The following FOXP1 variants were observed in gnomAD, a reference collection of about 807,000 sequenced individuals.
FOXP1 encodes the protein forkhead box P1, also known as forkhead box protein P1.
Under a neutral mutation model 98.2 loss-of-function variants are expected in FOXP1, and 15 were observed. The observed-to-expected ratio is 0.15, with a 90% confidence interval of 0.10 to 0.24. The LOEUF is 0.24. Ranked by LOEUF, FOXP1 falls within the 10% of genes least tolerant of loss-of-function variation. The probability of loss-of-function intolerance (pLI) is 1.00; values close to 1 mark genes in which losing one functional copy is unlikely to be tolerated. For synonymous variants in FOXP1, 371 were observed against 314.5 expected, an observed-to-expected ratio of 1.18 and a Z score of -1.90; for missense variants, 633 against 848.5, an observed-to-expected ratio of 0.75 and a Z score of 3.15.
chr3:71,315,960 C>A (rs2075050899), intron 4 of FOXP1, among the ~76,000 whole-genome samples: 1 of 152,178 alleles, frequency 6.6e-6, no homozygotes, highest in Non-Finnish European at 1.5e-5. Flanking sequence ...TTCTTTTAAC[C>A]AACTCTGGTT....
chr3:71,464,668 C>T (rs2088509001), intron 3 of FOXP1, among the ~76,000 whole-genome samples: 1 of 152,220 alleles, frequency 6.6e-6, no homozygotes, highest in Non-Finnish European at 1.5e-5. Flanking sequence ...CTCTGCTCTA[C>T]CCTTTTCACC....
At chr3:71,424,314 T>C (rs2083922830) in intron 3 of FOXP1, among the ~76,000 whole-genome samples, 1 of 152,306 alleles carries the variant, frequency 6.6e-6, no homozygotes, top group Admixed American at 6.5e-5. Flanking sequence ...ATAATTAGGA[T>C]AATGTCCATC....
intron 13 of FOXP1, among the ~76,000 whole-genome samples, chr3:70,990,345 A>G (rs1317575355): frequency 1.3e-5 from 2 of 152,322 alleles, no homozygotes; most frequent in Non-Finnish European, 2.9e-5. Flanking sequence ...CTAAACATTC[A>G]CACCTATTGA....
At chr3:71,113,568 C>T (rs866825986) in intron 6 of FOXP1, among the ~76,000 whole-genome samples, 9 of 151,944 alleles carry the variant, frequency 5.9e-5, no homozygotes, top group Admixed American at 2.6e-4. Context: ...CAAAAATTAG[C>T]TGGGTGTGGT....
chr3:71,114,820 A>C (rs374534829), intron 6 of FOXP1, among the ~76,000 whole-genome samples: 3 of 152,320 alleles, frequency 2.0e-5, no homozygotes, highest in African/African-American at 7.2e-5. Context: ...CTGCTGTCTC[A>C]GGGAGGATTC....
At chr3:71,408,554 C>A (rs2082506919) in intron 3 of FOXP1, among the ~76,000 whole-genome samples, 1 of 152,152 alleles carries the variant, frequency 6.6e-6, no homozygotes, top group Admixed American at 6.5e-5. Flanking sequence ...CAACAATTTG[C>A]AATGGTACAG....
At chr3:71,242,087 A>T (rs879259165) in intron 5 of FOXP1, among the ~76,000 whole-genome samples, 3 of 152,240 alleles carry the variant, frequency 2.0e-5, no homozygotes, top group Non-Finnish European at 2.9e-5. Flanking sequence ...CCTGCTCTTG[A>T]AAGTGACAAA....
At position 71,581,571 on chromosome 3, in the gene FOXP1, A is replaced by G. The variant is rs943843194; in HGVS notation, c.-320T>C. On this transcript the variant is annotated 5_prime_UTR_variant, in exon 2 of 21. Transcript: ENST00000649528. ...TACCCGCGGAGTCCGGGGAGGGAGT[A>G]GGAGCGCCGCCTTCACGCCCGCGGA... The G allele has an allele frequency of 1.0e-6, 1 of 985,438 alleles. No individual in the cohort carries two copies. The highest frequency in any genetic ancestry group is 1.2e-6 in the Non-Finnish European group (1 of 829,960). 61.0% of individuals were successfully genotyped at this position (985,438 alleles called of 1,614,324 possible).
chr3:71,345,871 TA>T (rs71120316), intron 4 of FOXP1, among the ~76,000 whole-genome samples: 2,507 of 54,850 alleles, frequency 0.046, 99 homozygotes, highest in African/African-American at 0.096. Context: ...AAAGTTTTTG[TA>T]AAAAAAAAAA....
At chr3:70,991,073 A>G (rs1248384169) in intron 13 of FOXP1, among the ~76,000 whole-genome samples, 1 of 147,718 alleles carries the variant, frequency 6.8e-6, no homozygotes, top group African/African-American at 2.5e-5. Context: ...TTTTTTTAAG[A>G]AAAGTGAAAT....
intron 11 of FOXP1, among the ~76,000 whole-genome samples, chr3:71,040,715 T>G (rs1180143370): frequency 6.6e-6 from 1 of 152,150 alleles, no homozygotes; most frequent in Non-Finnish European, 1.5e-5. Flanking sequence ...TATCCCACAA[T>G]GAAGAGAAAG....
chr3:71,155,665 C>T (rs141267295), intron 6 of FOXP1, among the ~76,000 whole-genome samples: 195 of 152,294 alleles, frequency 1.3e-3, no homozygotes, highest in South Asian at 9.3e-3. Flanking sequence ...CTGGCAGACC[C>T]AGGATTTAGA....
At chr3:71,476,977 T>C (rs1262362599) in intron 3 of FOXP1, among the ~76,000 whole-genome samples, 1 of 152,244 alleles carries the variant, frequency 6.6e-6, no homozygotes, top group African/African-American at 2.4e-5. Flanking sequence ...TTGACATTTA[T>C]CTCATTCTCC....
chr3:71,519,011 C>T (rs1441515502), intron 2 of FOXP1, among the ~76,000 whole-genome samples: 2 of 152,172 alleles, frequency 1.3e-5, no homozygotes, highest in African/African-American at 2.4e-5. Flanking sequence ...TTTGGGAGGC[C>T]GAGACGGGCG....
rs1347929643 is a variant in FOXP1 at position 70,976,863 on chromosome 3, G to C, written c.1530+78C>G. 3.9e-6 allele frequency: 4 copies of C among 1,033,086 alleles called. No individual in the cohort carries two copies. The African/African-American group carries it at 6.3e-5, about 16-fold the overall frequency. 64.0% of individuals were successfully genotyped at this position (1,033,086 alleles called of 1,614,324 possible). A position where few individuals can be genotyped will look rare whatever the true frequency, so the allele number is the denominator to read the frequency against. ...ACAATATAAATGTAGCTTCCTTATAGCACAACTGCATTTTATCAACAACAA... is the reference window on the plus strand; with the variant it reads ...ACAATATAAATGTAGCTTCCTTATACCACAACTGCATTTTATCAACAACAA... On this transcript the variant is annotated intron_variant, in intron 17 of 20. Coordinates refer to ENST00000649528, the MANE Select transcript of FOXP1 (RefSeq NM_001349338.3).
rs1560303967 is a variant in FOXP1, at chr3:71,322,633, G to A, written c.-72-22753C>T. The stretch of plus-strand genomic sequence containing the variant: ...GGTGCACTGTCATCAAGGGGCATTC[G>A]GAGCTCCAGGAGGGGTAAACTATTC... On this transcript the variant is annotated intron_variant, in intron 4 of 20. Coordinates refer to ENST00000649528, the MANE Select transcript of FOXP1 (RefSeq NM_001349338.3). Among the ~76,000 whole-genome samples, 4 of 152,242 alleles carry A rather than the reference G, an allele frequency of 2.6e-5. No homozygotes were observed. In the South Asian group the frequency reaches 8.3e-4, roughly 32 times the overall value.
intron 5 of FOXP1, among the ~76,000 whole-genome samples, chr3:71,290,752 C>T (rs1215637823): frequency 6.6e-6 from 1 of 152,294 alleles, no homozygotes; most frequent in East Asian, 1.9e-4. Context: ...AAATCCAAAA[C>T]TTTTTGAGCA....
At position 70,959,346 on chromosome 3, in the gene FOXP1, A is replaced by T. The variant is rs767068867; in HGVS notation, c.1935T>A (p.Ala645=). The T allele has an allele frequency of 3.1e-6, 5 of 1,614,086 alleles. No homozygotes were observed. In the South Asian group the frequency reaches 5.5e-5, roughly 18 times the overall value. The change falls in exon 21 of 21, where the codon GCT becomes GCA. Residue 645 remains alanine (A), a synonymous_variant. Coordinates refer to ENST00000649528, the MANE Select transcript of FOXP1 (RefSeq NM_001349338.3). Reference sequence around the variant, plus strand: ...TTGTCACTAAGGACAGGGGCCCTTCAGCTTCCTCTGGATCGAGGGGCTCTT... The same window carrying T: ...TTGTCACTAAGGACAGGGGCCCTTCTGCTTCCTCTGGATCGAGGGGCTCTT... The part of the protein sequence containing the change: ...VKEEPLDPEE[A]EGPLSLVTTA...
At chr3:70,979,759 C>T (rs1243176851) in intron 14 of FOXP1, among the ~76,000 whole-genome samples, 1 of 146,738 alleles carries the variant, frequency 6.8e-6, no homozygotes, top group Non-Finnish European at 1.5e-5. Flanking sequence ...GAAGACTCGA[C>T]CTTTACTCAC....
Sources: gnomAD v4.1 joint callset for allele counts (sites outside exome capture counted in the v4.1 genomes callset) on GRCh38, gnomAD v4.1.1 for gene constraint, MANE v1.5 for transcripts, NCBI Gene and HGNC (gene_info 2026-07-23, HGNC 2026-07-21) for gene names.